Variants in PARVA observed in about 807,000 individuals in gnomAD.
PARVA encodes the protein alpha-parvin.
A neutral mutation model predicts 52.6 loss-of-function variants in PARVA; 25 were observed. The observed-to-expected ratio is 0.48, with a 90% CI of 0.35 to 0.66. The LOEUF (loss-of-function observed/expected upper bound fraction) is 0.66. PARVA is among the 30% of genes least tolerant of loss of function. PARVA has a pLI of 0.01. For missense variants in PARVA, 373 were observed against 450.9 expected, an observed-to-expected ratio of 0.83 and a Z score of 1.56; for synonymous variants, 185 against 179.1, an observed-to-expected ratio of 1.03 and a Z score of -0.26.
chr11:12,484,210 C>A (rs1408789337), intron 4 of PARVA, among the ~76,000 whole-genome samples: 1 of 152,188 alleles, frequency 6.6e-6, no homozygotes, highest in African/African-American at 2.4e-5. Flanking sequence ...CAACATAATT[C>A]ATCACTTCAT....
At chr11:12,422,767 T>C (rs1940170102) in intron 1 of PARVA, among the ~76,000 whole-genome samples, 1 of 152,238 alleles carries the variant, frequency 6.6e-6, no homozygotes, top group South Asian at 2.1e-4. Flanking sequence ...TATAAGATTT[T>C]ATTATTATTT....
chr11:12,378,747 A>G (rs1392598008), intron 1 of PARVA, among the ~76,000 whole-genome samples: 1 of 152,060 alleles, frequency 6.6e-6, no homozygotes, highest in Non-Finnish European at 1.5e-5. Flanking sequence ...TGTTTTAAAC[A>G]TTTTTTAGTT....
intron 1 of PARVA, among the ~76,000 whole-genome samples, chr11:12,436,234 C>T (rs748563494): frequency 3.6e-4 from 55 of 152,162 alleles, no homozygotes; most frequent in Middle Eastern, 3.2e-3. Flanking sequence ...GATGATTGAG[C>T]CCATATAGTG....
intron 1 of PARVA, among the ~76,000 whole-genome samples, chr11:12,456,245 A>C (rs998964669): frequency 6.6e-6 from 1 of 152,238 alleles, no homozygotes; most frequent in Non-Finnish European, 1.5e-5. Context: ...GAAGGCATGC[A>C]CTACTGTGCT....
chr11:12,483,994 A>T (rs1941123704), intron 4 of PARVA, among the ~76,000 whole-genome samples: 4 of 152,202 alleles, frequency 2.6e-5, no homozygotes, highest in Admixed American at 2.6e-4. Context: ...TGATGGAAGA[A>T]AGAGCCTTAG....
intron 12 of PARVA, among the ~76,000 whole-genome samples, chr11:12,522,487 C>G (rs192958412): frequency 7.0e-6 from 1 of 143,204 alleles, no homozygotes; most frequent in Admixed American, 7.3e-5. Context: ...GGCGTGGTCT[C>G]GGCTCACTGG....
At chr11:12,469,651 G>T (rs1940905049) in intron 1 of PARVA, among the ~76,000 whole-genome samples, 1 of 152,206 alleles carries the variant, frequency 6.6e-6, no homozygotes, top group Non-Finnish European at 1.5e-5. Flanking sequence ...TGGGCAGTTT[G>T]CATATTCACT....
At chr11:12,476,099 C>T (rs938396947) in intron 3 of PARVA, among the ~76,000 whole-genome samples, 14 of 152,288 alleles carry the variant, frequency 9.2e-5, no homozygotes, top group East Asian at 3.9e-4. Flanking sequence ...AGGGTAAGGA[C>T]GGTCAGAATG....
intron 1 of PARVA, among the ~76,000 whole-genome samples, chr11:12,382,805 C>T (rs891239442): frequency 6.6e-6 from 1 of 152,202 alleles, no homozygotes; most frequent in Non-Finnish European, 1.5e-5. Flanking sequence ...TCTGTGTCTT[C>T]ATCTATAAAA....
intron 1 of PARVA, among the ~76,000 whole-genome samples, chr11:12,456,758 T>G (rs1223026403): frequency 1.3e-5 from 2 of 152,118 alleles, no homozygotes; most frequent in Non-Finnish European, 2.9e-5. Flanking sequence ...AGGCCCTCCC[T>G]GATTTCCACT....
At chr11:12,463,476 T>C (rs567437238) in intron 1 of PARVA, among the ~76,000 whole-genome samples, 2 of 152,300 alleles carry the variant, frequency 1.3e-5, no homozygotes, top group East Asian at 1.9e-4. Context: ...GCTATAGTTA[T>C]GGGTTTCTGG....
Position 12,514,023 on chromosome 11 carries a change from C to T in PARVA, c.825C>T (p.His275=). ...KKTLITFVNK[H]LNKLNLEVTE... The stretch of plus-strand genomic sequence containing the variant: ...CACTCATCACTTTCGTGAACAAGCA[C>T]CTGAATAAACTGAACCTGGAGGTCA... Residue 275 remains histidine, a synonymous_variant, in exon 10 of 13, where the codon CAC becomes CAT. Coordinates refer to ENST00000334956, the MANE Select transcript of PARVA (RefSeq NM_018222.5). The T allele has an allele frequency of 1.2e-6, 2 of 1,614,112 alleles. No homozygotes were observed. The highest frequency in any genetic ancestry group is 1.7e-6 in the Non-Finnish European group (2 of 1,179,968).
At chr11:12,478,825 T>G (rs1165248384) in intron 4 of PARVA, 1 of 152,220 alleles carries the variant, frequency 6.6e-6, no homozygotes, top group Non-Finnish European at 1.5e-5. Flanking sequence ...TCCTCCAACC[T>G]ATTCCCTACA....
chr11:12,473,551 G>A (rs889576768), intron 1 of PARVA, among the ~76,000 whole-genome samples, 194 bp from the exon 2 acceptor site: 1 of 152,180 alleles, frequency 6.6e-6, no homozygotes, highest in Non-Finnish European at 1.5e-5. Flanking sequence ...ACAGCTGGCA[G>A]AGGTGAGATT....
chr11:12,512,165 G>A lies in PARVA; in HGVS notation c.736+632G>A, dbSNP rs79040937. ...AAAGATTCATTAGCTTGCCCGAGGT[G>A]TCTGGATGGGTCCTGGGCATTTTCA... On this transcript the variant is annotated intron_variant, in intron 8 of 12. Coordinates refer to ENST00000334956, the MANE Select transcript of PARVA (RefSeq NM_018222.5). Among the ~76,000 whole-genome samples, 1,474 of 152,266 alleles carry A rather than the reference G, an allele frequency of 9.7e-3. 27 individuals carry two copies. Among genetic ancestry groups the A allele is most frequent in the African/African-American group, 0.033 (1,382 of 41,532 alleles).
At chr11:12,527,000 A>T (rs7127693) in intron 12 of PARVA, among the ~76,000 whole-genome samples, 4,280 of 152,260 alleles carry the variant, frequency 0.028, 150 homozygotes, top group East Asian at 0.12. Context: ...GCCAGCTGCC[A>T]GTTTCCAGCC....
chr11:12,528,227 G>C lies in PARVA; in HGVS notation c.*302G>C. 2.3e-6 allele frequency: 1 copy of C among 437,098 alleles called. No homozygotes were observed. Among genetic ancestry groups the C allele is most frequent in the Non-Finnish European group, 4.2e-6 (1 of 240,552 alleles). The allele number at this position is 437,098 out of a possible 1,614,324, so 27.1% of individuals were successfully genotyped here. A position where few individuals can be genotyped will look rare whatever the true frequency, so the allele number is the denominator to read the frequency against. ...TTTGGGAACCAGCTTAGGCAAAAGA[G>C]TCCCCACAAGATGAAAATAAAGATC... On this transcript the variant is annotated 3_prime_UTR_variant, in exon 13 of 13. Coordinates refer to ENST00000334956, the MANE Select transcript of PARVA (RefSeq NM_018222.5).
intron 1 of PARVA, among the ~76,000 whole-genome samples, chr11:12,432,216 A>G (rs1940325291): frequency 6.6e-6 from 1 of 152,194 alleles, no homozygotes; most frequent in South Asian, 2.1e-4. Context: ...TATTGCTCAC[A>G]CATGTTAAAG....
chr11:12,377,748 G>A lies in PARVA; in HGVS notation c.101G>A (p.Gly34Glu). ...GATGATTCCTTCTTGGGGAAACTCG[G>A]AGGGACCCTGGCCCGGAGGAAGAAA... Reference protein sequence around the residue: ...KKDDSFLGKLGGTLARRKKAK... With the variant: ...KKDDSFLGKLEGTLARRKKAK... The change falls in exon 1 of 13, where the codon GGA (glycine) becomes GAA (glutamate). Residue 34 changes from glycine (G) to glutamate (E), a missense_variant. Physicochemically the swap from Gly to Glu is moderately conservative, Grantham distance 98. Transcript: ENST00000334956. 1 of 1,546,232 alleles carries A rather than the reference G, an allele frequency of 6.5e-7. No individual in the cohort carries two copies. The highest frequency in any genetic ancestry group is 8.7e-7 in the Non-Finnish European group (1 of 1,151,652).
Sources: allele counts gnomAD v4.1 joint callset (sites outside exome capture counted in the v4.1 genomes callset), GRCh38; gene constraint gnomAD v4.1.1; transcripts MANE v1.5; gene names NCBI Gene and HGNC (gene_info 2026-07-23, HGNC 2026-07-21).